Variants in PUS7L observed in about 807,000 individuals in gnomAD.
PUS7L encodes the protein pseudouridine synthase 7 like.
PUS7L carries 49 observed loss-of-function variants against 51.1 expected under a neutral mutation model. The ratio of observed to expected loss-of-function variants is 0.96; its 90% confidence interval spans 0.76 to 1.22. The LOEUF (loss-of-function observed/expected upper bound fraction) is 1.22, where lower values mean the gene tolerates loss of function less well. Ranked by LOEUF, PUS7L falls within the 50% of genes most tolerant of loss-of-function variation. The probability of loss-of-function intolerance (pLI) is 0.00; values close to 1 mark genes in which losing one functional copy is unlikely to be tolerated. For missense variants in PUS7L, 828 were observed against 820.6 expected, an observed-to-expected ratio of 1.01 and a Z score of -0.11; for synonymous variants, 277 against 276.2, an observed-to-expected ratio of 1.00 and a Z score of -0.03.
intron 7 of PUS7L, among the ~76,000 whole-genome samples, chr12:43,733,186 AAAG>A (rs1372989858): frequency 2.0e-5 from 3 of 152,070 alleles, no homozygotes; most frequent in Admixed American, 6.5e-5. Context: ...ACACACACAC[AAAG>A]AAAAGTTACC....
intron 7 of PUS7L, among the ~76,000 whole-genome samples, chr12:43,736,072 C>A (rs1328489421): frequency 1.3e-5 from 2 of 152,048 alleles, no homozygotes; most frequent in Non-Finnish European, 2.9e-5. Flanking sequence ...CCACGCCTGG[C>A]CTTGATTTTT....
chr12:43,729,364 T>C lies in PUS7L; in HGVS notation c.*1012A>G. 2.6e-6 allele frequency: 1 copy of C among 389,640 alleles called. No homozygotes were observed. The highest frequency in any genetic ancestry group is 4.5e-6 in the Non-Finnish European group (1 of 220,240). 24.1% of individuals were successfully genotyped at this position (389,640 alleles called of 1,614,324 possible). ...AATGCTCCATACTGCTTTTTAAATT[T>C]CATCATTATATCTTACCAACAATGA... On this transcript the variant is annotated 3_prime_UTR_variant, in exon 9 of 9. Transcript: ENST00000344862.
rs970286015 is a variant in PUS7L at position 43,724,026 on chromosome 12, T to C, written c.*6350A>G. 6.6e-6 allele frequency: 1 copy of C among 152,112 alleles called. No homozygotes were observed. The highest frequency in any genetic ancestry group is 6.5e-5 in the Admixed American group (1 of 15,282). 9.4% of individuals were successfully genotyped at this position (152,112 alleles called of 1,614,324 possible). ...GCAAAATAATACACAAATATACTCA[T>C]GTTTGAAATTCAAACATCAAAAGTA... On this transcript the variant is annotated 3_prime_UTR_variant, in exon 9 of 9. Coordinates refer to ENST00000344862, the MANE Select transcript of PUS7L (RefSeq NM_031292.5).
intron 7 of PUS7L, among the ~76,000 whole-genome samples, chr12:43,732,924 ATCACCAT>A (rs1944594119): frequency 6.6e-6 from 1 of 152,212 alleles, no homozygotes. Flanking sequence ...TCTCTCTTGC[ATCACCAT>A]TTCTAGCCTT....
rs529322292 is a variant in PUS7L at position 43,735,729 on chromosome 12, C to T, written c.1725+652G>A. On this transcript the variant is annotated intron_variant, in intron 7 of 8. Transcript: ENST00000344862. The stretch of plus-strand genomic sequence containing the variant: ...AGAGGTTGAGTCTCTGGAGGAAGCA[C>T]AGGGAATCACATTAGGATGCTAGCA... Among the ~76,000 whole-genome samples, 3 of 152,148 alleles carry T rather than the reference C, an allele frequency of 2.0e-5. No individual in the cohort carries two copies. The East Asian group carries it at 5.8e-4, about 29-fold the overall frequency.
chr12:43,738,236 C>T (rs1592164666), intron 6 of PUS7L, 74 bp downstream of exon 6: 1 of 810,416 alleles, frequency 1.2e-6, no homozygotes, highest in East Asian at 2.5e-5. Flanking sequence ...AATAAATGCT[C>T]TCCTGCTGAT....
intron 3 of PUS7L, 35 bp downstream of exon 3, chr12:43,748,415 A>C (rs777528819): frequency 4.0e-6 from 6 of 1,484,922 alleles, no homozygotes; most frequent in African/African-American, 1.4e-5. Context: ...CACTTCTCAA[A>C]GTTTCTATCC....
chr12:43,742,060 TA>T (rs1937927532), intron 5 of PUS7L, among the ~76,000 whole-genome samples: 1 of 152,248 alleles, frequency 6.6e-6, no homozygotes, highest in Admixed American at 6.5e-5. Flanking sequence ...CATTTTGAAC[TA>T]GTCAGATTTT....
intron 4 of PUS7L, among the ~76,000 whole-genome samples, chr12:43,743,008 C>T (rs151303033): frequency 7.9e-5 from 12 of 152,286 alleles, no homozygotes; most frequent in African/African-American, 2.9e-4. Flanking sequence ...CTCTTTTCTA[C>T]ATAACGTTCG....
intron 7 of PUS7L, 96 bp downstream of exon 7, chr12:43,736,285 T>C: frequency 2.0e-6 from 2 of 987,968 alleles, no homozygotes; most frequent in South Asian, 3.1e-5. Flanking sequence ...ATAAATTACA[T>C]GTATGTTTAA....
chr12:43,730,411 C>A lies in PUS7L; in HGVS notation c.2071G>T (p.Val691Phe). 1 of 1,613,548 alleles carries A rather than the reference C, an allele frequency of 6.2e-7. No homozygotes were observed. Among genetic ancestry groups the A allele is most frequent in the Non-Finnish European group, 8.5e-7 (1 of 1,179,712 alleles). ...FDLDASCYAT[V>F]CLKEIMKHDV ...TGCTTCATTATTTCCTTCAGACAAA[C>A]GGTAGCATAGCATGAAGCATCAAGA... The change falls in exon 9 of 9, where the codon GTT becomes TTT. Residue 691 changes from valine to phenylalanine, a missense_variant. Coordinates refer to ENST00000344862, the MANE Select transcript of PUS7L (RefSeq NM_031292.5).
chr12:43,750,182 A>T (rs1380202032), intron 2 of PUS7L, among the ~76,000 whole-genome samples: 1 of 119,516 alleles, frequency 8.4e-6, no homozygotes, highest in African/African-American at 4.0e-5. Flanking sequence ...AATTTAAAAG[A>T]AATCCCCAGC....
At chr12:43,751,423 C>T (rs1451902514) in intron 2 of PUS7L, among the ~76,000 whole-genome samples, 2 of 150,126 alleles carry the variant, frequency 1.3e-5, no homozygotes, top group South Asian at 2.1e-4. Context: ...GTTCAATTCC[C>T]ACCTATGAGT....
At chr12:43,730,738 C>G (rs1318277641) in intron 8 of PUS7L, 36 bp from the exon 9 acceptor site, 2 of 1,378,616 alleles carry the variant, frequency 1.5e-6, no homozygotes, top group African/African-American at 2.9e-5. Flanking sequence ...ATGAAAATAG[C>G]CTTCAAAAAG....
At chr12:43,749,842 C>T (rs1938358034) in intron 2 of PUS7L, among the ~76,000 whole-genome samples, 1 of 152,064 alleles carries the variant, frequency 6.6e-6, no homozygotes, top group African/African-American at 2.4e-5. Flanking sequence ...GAGCTAAACA[C>T]TGGGTACACA....
At chr12:43,738,802 T>C in intron 5 of PUS7L, 1 of 290,742 alleles carries the variant, frequency 3.4e-6, no homozygotes, top group South Asian at 5.0e-5. Flanking sequence ...TTATAAATAG[T>C]AAAACTTTTT....
chr12:43,749,505 A>C (rs1938340614), intron 2 of PUS7L, among the ~76,000 whole-genome samples: 1 of 152,128 alleles, frequency 6.6e-6, no homozygotes, highest in South Asian at 2.1e-4. Flanking sequence ...CAACATATGG[A>C]GACCCCATCT....
Position 43,754,890 on chromosome 12 carries a change from T to C in PUS7L, c.356A>G (p.Glu119Gly), listed in dbSNP as rs142482082. 11 of 1,613,830 alleles carry C rather than the reference T, an allele frequency of 6.8e-6. No homozygotes were observed. In the African/African-American group the frequency reaches 1.5e-4, roughly 22 times the overall value. The change falls in exon 2 of 9, where the codon GAA becomes GGA. Residue 119 changes from glutamate (E) to glycine (G), a missense_variant. By Grantham distance (98) the Glu-to-Gly change is moderately conservative (BLOSUM62 -2). Transcript: ENST00000344862. The part of the protein sequence containing the change: ...DTIVDGTSKC[E>G]EKADVLSSFL... ...GGAGCTTAAAACATCAGCTTTTTCTTCACATTTGGAAGTTCCATCAACGAT... is the reference window on the plus strand; with the variant it reads ...GGAGCTTAAAACATCAGCTTTTTCTCCACATTTGGAAGTTCCATCAACGAT...
chr12:43,754,807 T>G lies in PUS7L; in HGVS notation c.439A>C (p.Lys147Gln), dbSNP rs370308871. 2.5e-6 allele frequency: 4 copies of G among 1,613,746 alleles called. No homozygotes were observed. In the African/African-American group the frequency reaches 4.0e-5, roughly 16 times the overall value. Residue 147 changes from lysine to glutamine, a missense_variant, in exon 2 of 9, where the codon AAG (lysine) becomes CAG (glutamine). Transcript: ENST00000344862. Reference sequence around the variant, plus strand: ...ATTAGCTCTGTTTTAGAAAGCCACTTCTCTCTTACATCACAGGCAAAATTA... The same window carrying G: ...ATTAGCTCTGTTTTAGAAAGCCACTGCTCTCTTACATCACAGGCAAAATTA... ...LNNFACDVRE[K>Q]WLSKTELIGL...
Sources: allele counts gnomAD v4.1 joint callset (sites outside exome capture counted in the v4.1 genomes callset), GRCh38; gene constraint gnomAD v4.1.1; transcripts MANE v1.5; gene names NCBI Gene and HGNC (gene_info 2026-07-23, HGNC 2026-07-21).